Variants in NFIB observed in about 807,000 individuals in gnomAD.
NFIB encodes nuclear factor I B.
A neutral mutation model predicts 61.5 loss-of-function variants in NFIB; 11 were observed. The ratio of observed to expected loss-of-function variants is 0.18; its 90% CI spans 0.11 to 0.30. NFIB has a LOEUF of 0.30. NFIB is among the 10% of genes least tolerant of loss of function. The pLI is 1.00. For synonymous variants in NFIB, 260 were observed against 216.5 expected, an observed-to-expected ratio of 1.20 and a Z score of -1.76; for missense variants, 471 against 608.9, an observed-to-expected ratio of 0.77 and a Z score of 2.38.
At chr9:14,117,503 T>C (rs1377600915) in intron 8 of NFIB, among the ~76,000 whole-genome samples, 1 of 151,418 alleles carries the variant, frequency 6.6e-6, no homozygotes, top group Non-Finnish European at 1.5e-5. Flanking sequence ...AAAAAAAAAA[T>C]GAAGCAGAAT....
chr9:14,472,855 A>T, the NFIB span, among the ~76,000 whole-genome samples: 1 of 147,170 alleles, frequency 6.8e-6, no homozygotes, highest in East Asian at 2.0e-4. Context: ...AAATAAAAAT[A>T]AAAAAAAAAA....
the NFIB span, among the ~76,000 whole-genome samples, chr9:14,501,879 G>T: frequency 6.6e-6 from 1 of 152,180 alleles, no homozygotes; most frequent in Non-Finnish European, 1.5e-5. Context: ...AGAATGAGAG[G>T]GAAAAGTAGA....
chr9:14,334,314 G>C (rs1234729882), intron 1 of NFIB, among the ~76,000 whole-genome samples: 1 of 152,168 alleles, frequency 6.6e-6, no homozygotes, highest in African/African-American at 2.4e-5. Context: ...AGTGGATGTA[G>C]TAATTTATAC....
At chr9:14,253,233 G>C (rs1281998974) in intron 2 of NFIB, among the ~76,000 whole-genome samples, 1 of 152,146 alleles carries the variant, frequency 6.6e-6, no homozygotes, top group Non-Finnish European at 1.5e-5. Flanking sequence ...CTTCTCAGAT[G>C]CATCATATCC....
chr9:14,262,672 T>C (rs1482670916), intron 2 of NFIB, among the ~76,000 whole-genome samples: 2 of 152,214 alleles, frequency 1.3e-5, no homozygotes, highest in East Asian at 1.9e-4. Context: ...TCGTAAATTC[T>C]GTTACTGTTG....
intron 2 of NFIB, among the ~76,000 whole-genome samples, chr9:14,292,138 C>G (rs186894335): frequency 6.6e-6 from 1 of 152,100 alleles, no homozygotes; most frequent in Admixed American, 6.5e-5. Flanking sequence ...CATGTTTTCA[C>G]GAAATAATAA....
the NFIB span, among the ~76,000 whole-genome samples, chr9:14,524,424 A>C: frequency 1.3e-5 from 2 of 152,216 alleles, no homozygotes; most frequent in African/African-American, 2.4e-5. Flanking sequence ...ACTGTTCATC[A>C]TGTGACCAGC....
At chr9:14,413,855 T>A in the NFIB span, among the ~76,000 whole-genome samples, 1 of 151,916 alleles carries the variant, frequency 6.6e-6, no homozygotes, top group Non-Finnish European at 1.5e-5. Context: ...AAAATAATAT[T>A]AACAAAATGA....
intron 2 of NFIB, among the ~76,000 whole-genome samples, chr9:14,295,513 C>A (rs1280186148): frequency 6.6e-6 from 1 of 152,018 alleles, no homozygotes; most frequent in Non-Finnish European, 1.5e-5. Flanking sequence ...CGCCTGTAGT[C>A]CCAGCTACTC....
chr9:14,141,916 AAAAAAAAAAAC>A (rs375754788), intron 6 of NFIB, among the ~76,000 whole-genome samples: 19,376 of 146,168 alleles, frequency 0.13, 1,448 homozygotes, highest in South Asian at 0.29. Flanking sequence ...AAAAAAAAAA[AAAAAAAAAAAC>A]AACGAAATCC....
intron 10 of NFIB, among the ~76,000 whole-genome samples, chr9:14,092,547 A>C (rs899434954): frequency 6.6e-6 from 1 of 152,104 alleles, no homozygotes; most frequent in Non-Finnish European, 1.5e-5. Context: ...ACAGGAAGTC[A>C]GATGACTTAA....
At chr9:14,196,927 T>C (rs2048535961) in intron 2 of NFIB, among the ~76,000 whole-genome samples, 1 of 152,238 alleles carries the variant, frequency 6.6e-6, no homozygotes, top group African/African-American at 2.4e-5. Flanking sequence ...TTGTCTTTTA[T>C]TAATGATTAA....
intron 10 of NFIB, among the ~76,000 whole-genome samples, chr9:14,089,795 C>T (rs2033570035): frequency 6.6e-6 from 1 of 152,150 alleles, no homozygotes; most frequent in African/African-American, 2.4e-5. Flanking sequence ...TACAGAATAT[C>T]AACCTAAAGG....
the NFIB span, among the ~76,000 whole-genome samples, chr9:14,410,468 G>C: frequency 3.3e-5 from 5 of 152,180 alleles, no homozygotes; most frequent in Admixed American, 1.3e-4. Flanking sequence ...TAAGGTAGAA[G>C]AGGTTAGGAG....
At chr9:14,229,024 C>T (rs1005164868) in intron 2 of NFIB, among the ~76,000 whole-genome samples, 2 of 139,364 alleles carry the variant, frequency 1.4e-5, no homozygotes, top group Non-Finnish European at 3.1e-5. Flanking sequence ...GGCAGGTTTA[C>T]AGGGAAAAAA....
chr9:14,338,644 C>T (rs1217564509), intron 1 of NFIB, among the ~76,000 whole-genome samples: 1 of 152,124 alleles, frequency 6.6e-6, no homozygotes, highest in African/African-American at 2.4e-5. Context: ...TGAAATATAC[C>T]TAGCTCATCA....
chr9:14,450,392 T>C, the NFIB span, among the ~76,000 whole-genome samples: 1 of 152,224 alleles, frequency 6.6e-6, no homozygotes, highest in Non-Finnish European at 1.5e-5. Context: ...CATGAACCTC[T>C]TGCCCAAGAA....
the NFIB span, among the ~76,000 whole-genome samples, chr9:14,524,705 T>A: frequency 6.6e-6 from 1 of 152,318 alleles, no homozygotes; most frequent in African/African-American, 2.4e-5. Flanking sequence ...TTAATACTTT[T>A]GAGTTTAGCA....
rs561670490 is a variant in NFIB, at chr9:14,185,278, C to T, written c.563-5498G>A. ...GCCGTGAAAAAACGACCTGATTTCCCACCTTTCTAAGACATATTTCACTCT... is the reference window on the plus strand; with the variant it reads ...GCCGTGAAAAAACGACCTGATTTCCTACCTTTCTAAGACATATTTCACTCT... On this transcript the variant is annotated intron_variant, in intron 2 of 10. Coordinates refer to ENST00000380953, the MANE Select transcript of NFIB (RefSeq NM_001190737.2). Among the ~76,000 whole-genome samples the T allele has an allele frequency of 2.0e-5, 3 of 152,252 alleles. No individual in the cohort carries two copies. The East Asian group carries it at 5.8e-4, about 29-fold the overall frequency.
Sources: allele counts gnomAD v4.1 joint callset (sites outside exome capture counted in the v4.1 genomes callset), GRCh38; gene constraint gnomAD v4.1.1; transcripts MANE v1.5; gene names NCBI Gene and HGNC (gene_info 2026-07-23, HGNC 2026-07-21).